The following CSMD1 variants were observed in gnomAD, a reference collection of about 807,000 sequenced individuals.
The protein encoded by CSMD1 is CUB and Sushi multiple domains 1, also known as CUB and sushi domain-containing protein 1.
In CSMD1, 213 loss-of-function variants were observed where a neutral mutation model predicts 417.5. That is an observed-to-expected ratio of 0.51 (90% confidence interval 0.46 to 0.57). The LOEUF is 0.57. Ranked by LOEUF, CSMD1 falls within the 20% of genes least tolerant of loss-of-function variation. CSMD1 has a pLI of 0.00. For synonymous variants in CSMD1, 2,862 were observed against 1,736.8 expected, an observed-to-expected ratio of 1.65 and a Z score of -16.11; for missense variants, 6,923 against 4,529.7, an observed-to-expected ratio of 1.53 and a Z score of -15.17.
At chr8:4,110,246 G>A (rs1436604599) in intron 3 of CSMD1, among the ~76,000 whole-genome samples, 1 of 152,088 alleles carries the variant, frequency 6.6e-6, no homozygotes, top group African/African-American at 2.4e-5. Flanking sequence ...AAGACTGAAA[G>A]CTTGGCAACG....
chr8:4,037,681 G>A (rs1465862280), intron 3 of CSMD1, among the ~76,000 whole-genome samples: 2 of 152,066 alleles, frequency 1.3e-5, no homozygotes, highest in African/African-American at 4.8e-5. Context: ...GATTTTAAAG[G>A]GGAAGGTGTG....
Position 4,103,697 on chromosome 8 carries a change from C to T in CSMD1, c.416-71598G>A, listed in dbSNP as rs140932592. ...ACATGATTATAAACTGGAGTGAATG[C>T]TTAAAACCCATGATAAGAGTTCCTT... On this transcript the variant is annotated intron_variant, in intron 3 of 69. Transcript: ENST00000635120. Among the ~76,000 whole-genome samples, 8 of 152,126 alleles carry T rather than the reference C, an allele frequency of 5.3e-5. No individual in the cohort carries two copies. The East Asian group carries it at 1.4e-3, about 26-fold the overall frequency.
rs530594932 is a variant in CSMD1 at position 4,401,126 on chromosome 8, G to C, written c.415+18827C>G. 3.5e-4 allele frequency among the ~76,000 whole-genome samples: 53 copies of C among 152,204 alleles called. 2 individuals are homozygous for C. The South Asian group carries it at 0.011, about 30-fold the overall frequency. ...ATAACCTTCTTCAGCTCCACATAAA[G>C]CTTCTGTTTGAAGCTGGGAGTCGAG... On this transcript the variant is annotated intron_variant, in intron 3 of 69. Transcript: ENST00000635120.
intron 3 of CSMD1, among the ~76,000 whole-genome samples, chr8:4,295,864 C>G (rs1797654094): frequency 1.3e-5 from 2 of 149,236 alleles, no homozygotes; most frequent in African/African-American, 4.9e-5. Flanking sequence ...ACCATTATCC[C>G]AAACAAGTAC....
chr8:3,318,175 G>A (rs754108414), intron 23 of CSMD1, among the ~76,000 whole-genome samples: 66 of 151,894 alleles, frequency 4.3e-4, no homozygotes, highest in Non-Finnish European at 9.1e-4. Flanking sequence ...AGTACCTTAG[G>A]CTTGTAATAT....
intron 1 of CSMD1, among the ~76,000 whole-genome samples, chr8:4,951,211 G>C (rs1808723385): frequency 6.6e-6 from 1 of 152,030 alleles, no homozygotes; most frequent in South Asian, 2.1e-4. Flanking sequence ...ATTCCATATG[G>C]TCCACATTAA....
At chr8:4,536,234 T>C (rs966098778) in intron 2 of CSMD1, among the ~76,000 whole-genome samples, 1 of 152,174 alleles carries the variant, frequency 6.6e-6, no homozygotes, top group Non-Finnish European at 1.5e-5. Context: ...CTATTCATAA[T>C]TATGTGAAAC....
chr8:4,094,908 A>C (rs367983253), intron 3 of CSMD1, among the ~76,000 whole-genome samples: 5 of 152,332 alleles, frequency 3.3e-5, no homozygotes, highest in African/African-American at 1.2e-4. Flanking sequence ...AGGATACTGG[A>C]GAGACATGGG....
chr8:3,500,283 G>A (rs932838884), intron 10 of CSMD1, among the ~76,000 whole-genome samples: 2 of 152,158 alleles, frequency 1.3e-5, no homozygotes, highest in African/African-American at 4.8e-5. Flanking sequence ...GGAGGAAAGT[G>A]CTGGGCACTC....
intron 7 of CSMD1, among the ~76,000 whole-genome samples, chr8:3,692,677 C>A (rs986581575): frequency 1.3e-5 from 2 of 152,136 alleles, no homozygotes; most frequent in Admixed American, 6.5e-5. Context: ...AAATGATCTG[C>A]CTGCCTCGGC....
intron 3 of CSMD1, among the ~76,000 whole-genome samples, chr8:4,397,252 G>A (rs1038167507): frequency 2.0e-5 from 3 of 151,872 alleles, no homozygotes; most frequent in East Asian, 1.9e-4. Flanking sequence ...GTGAGCATGC[G>A]TTTTTTCATA....
chr8:4,623,243 A>C (rs537899981), intron 2 of CSMD1, among the ~76,000 whole-genome samples: 9 of 152,282 alleles, frequency 5.9e-5, no homozygotes, highest in African/African-American at 2.2e-4. Context: ...TAAAATACTA[A>C]TATTATTGGT....
intron 6 of CSMD1, among the ~76,000 whole-genome samples, chr8:3,711,035 T>A (rs190568869): frequency 2.6e-5 from 4 of 152,160 alleles, no homozygotes; most frequent in African/African-American, 9.7e-5. Context: ...GAAACACATA[T>A]TATGTCTAAA....
chr8:4,418,056 T>C (rs1389631169), intron 3 of CSMD1, among the ~76,000 whole-genome samples: 1 of 152,038 alleles, frequency 6.6e-6, no homozygotes, highest in Non-Finnish European at 1.5e-5. Context: ...AGCTAACTGA[T>C]AAATAGATTT....
chr8:3,198,989 C>T (rs1373914123), intron 33 of CSMD1, among the ~76,000 whole-genome samples: 1 of 152,144 alleles, frequency 6.6e-6, no homozygotes, highest in Non-Finnish European at 1.5e-5. Context: ...AGATCTCAAC[C>T]TTTACAGTCA....
chr8:4,764,889 A>AAACAAAACAAAC (rs1563326888), intron 1 of CSMD1, among the ~76,000 whole-genome samples: 7 of 39,994 alleles, frequency 1.8e-4, no homozygotes, highest in African/African-American at 5.6e-4. Context: ...AAAAAAAAAA[A>AAACAAAACAAAC]AAAAACAACA....
chr8:2,985,061 TA>T (rs1805763561), intron 54 of CSMD1, among the ~76,000 whole-genome samples: 3 of 152,332 alleles, frequency 2.0e-5, no homozygotes, highest in Admixed American at 2.0e-4. Flanking sequence ...GAAAAACCAT[TA>T]TTTTAAGACC....
At chr8:3,872,690 G>A (rs76236765) in intron 5 of CSMD1, among the ~76,000 whole-genome samples, 3,250 of 151,934 alleles carry the variant, frequency 0.021, 59 homozygotes, top group Non-Finnish European at 0.035. Flanking sequence ...GAAGAGCCTC[G>A]TGCTACTTAG....
chr8:3,764,884 T>C (rs1798189059), intron 5 of CSMD1, among the ~76,000 whole-genome samples: 2 of 151,778 alleles, frequency 1.3e-5, no homozygotes, highest in Non-Finnish European at 1.5e-5. Flanking sequence ...GTAGTTGGGA[T>C]TAAGGTGACT....
Sources: allele counts gnomAD v4.1 joint callset (sites outside exome capture counted in the v4.1 genomes callset), GRCh38; gene constraint gnomAD v4.1.1; transcripts MANE v1.5; gene names NCBI Gene and HGNC (gene_info 2026-07-23, HGNC 2026-07-21).